KDM3B: variants seen among roughly 807,000 people sequenced by gnomAD.
KDM3B encodes lysine-specific demethylase 3B.
KDM3B carries 10 observed loss-of-function variants against 170.0 expected under a neutral mutation model. The observed-to-expected ratio is 0.06, with a 90% CI of 0.04 to 0.10. KDM3B has a LOEUF of 0.10. Ranked by LOEUF, KDM3B falls within the 10% of genes least tolerant of loss-of-function variation. The pLI, the probability that KDM3B is intolerant of heterozygous loss-of-function variation, is 1.00. For missense variants in KDM3B, 1,394 were observed against 2,195.2 expected (o/e 0.64, Z 7.29); for synonymous variants, 831 against 834.8 (o/e 1.00, Z 0.08).
chr5:138,356,053 T>C (rs1761440669), intron 1 of KDM3B, among the ~76,000 whole-genome samples: 1 of 152,242 alleles, frequency 6.6e-6, no homozygotes. Context: ...TTACAGATTT[T>C]ACTCATCGTT....
chr5:138,431,625 A>C, intron 23 of KDM3B, 66 bp downstream of exon 23: 1 of 1,340,028 alleles, frequency 7.5e-7, no homozygotes, highest in Non-Finnish European at 9.9e-7. Flanking sequence ...TTACGCAGAA[A>C]GCACATTCTC....
chr5:138,355,849 TCAAA>T (rs1190450899), intron 1 of KDM3B, among the ~76,000 whole-genome samples: 2 of 152,200 alleles, frequency 1.3e-5, no homozygotes, highest in African/African-American at 2.4e-5. Flanking sequence ...TTGCAAAATG[TCAAA>T]CAAAGGTTTA....
At position 138,386,636 on chromosome 5, in the gene KDM3B, G is replaced by A; in HGVS notation, c.1380+15G>A. ...CCTCGGGAGAGGTGAGTTACTTCAGGGGCAGATTTGCAAGATTTGGGTTTA... is the reference window on the plus strand; with the variant it reads ...CCTCGGGAGAGGTGAGTTACTTCAGAGGCAGATTTGCAAGATTTGGGTTTA... On this transcript the variant is annotated intron_variant, in intron 7 of 23. Transcript: ENST00000314358. 1 of 1,598,150 alleles carries A rather than the reference G, an allele frequency of 6.3e-7. No individual in the cohort carries two copies. The highest frequency in any genetic ancestry group is 1.1e-5 in the South Asian group (1 of 90,128).
chr5:138,425,972 C>G (rs985730893), intron 17 of KDM3B: 1 of 159,346 alleles, frequency 6.3e-6, no homozygotes, highest in African/African-American at 2.4e-5. Flanking sequence ...CACCACTGCT[C>G]TCCAGCCTCG....
intron 1 of KDM3B, among the ~76,000 whole-genome samples, chr5:138,371,160 AT>A (rs1289939770): frequency 6.6e-6 from 1 of 152,120 alleles, no homozygotes; most frequent in East Asian, 1.9e-4. Flanking sequence ...CAGAATTTAT[AT>A]AGAAAGTCAA....
At chr5:138,414,341 A>G (rs560233642) in intron 11 of KDM3B, among the ~76,000 whole-genome samples, 1 of 152,020 alleles carries the variant, frequency 6.6e-6, no homozygotes, top group South Asian at 2.1e-4. Flanking sequence ...AATTTTTTGT[A>G]TTTTTAGTAG....
chr5:138,360,522 T>TTGTG (rs55976818), intron 1 of KDM3B, among the ~76,000 whole-genome samples: 12,305 of 137,826 alleles, frequency 0.089, 644 homozygotes, highest in Non-Finnish European at 0.11. Flanking sequence ...TAAAAAAAGA[T>TTGTG]TGTGTGTGTG....
Position 138,381,821 on chromosome 5 carries a change from T to A in KDM3B, c.780+231T>A, listed in dbSNP as rs1263013385. The A allele has an allele frequency of 8.6e-6, 4 of 463,178 alleles. No individual in the cohort carries two copies. In the East Asian group the frequency reaches 1.3e-4, roughly 15 times the overall value. 28.7% of individuals were successfully genotyped at this position (463,178 alleles called of 1,614,324 possible). On this transcript the variant is annotated intron_variant, in intron 6 of 23. Transcript: ENST00000314358. ...GCATGACTATGTTCCCTAGTTCTTCTAAAGTGCAAGGCTGGTTTCTTCCTA... is the reference window on the plus strand; with the variant it reads ...GCATGACTATGTTCCCTAGTTCTTCAAAAGTGCAAGGCTGGTTTCTTCCTA...
Position 138,428,055 on chromosome 5 carries a change from G to A in KDM3B, c.4722G>A (p.Gly1574=). ...CTGTTAATGTGATGGTGTATGTTGGGATTCCCATCGGGGAGGGTGCTCATG... is the reference window on the plus strand; with the variant it reads ...CTGTTAATGTGATGGTGTATGTTGGAATTCCCATCGGGGAGGGTGCTCATG... The part of the protein sequence containing the change: ...SDAVNVMVYV[G]IPIGEGAHDE... The change falls in exon 20 of 24, where the codon GGG becomes GGA. Residue 1574 remains glycine, a synonymous_variant. Transcript: ENST00000314358. The A allele has an allele frequency of 6.2e-7, 1 of 1,613,824 alleles. No individual in the cohort carries two copies. Among genetic ancestry groups the A allele is most frequent in the Non-Finnish European group, 8.5e-7 (1 of 1,179,744 alleles).
At position 138,361,077 on chromosome 5, in the gene KDM3B, T is replaced by G. The variant is rs565544282; in HGVS notation, c.192+8090T>G. On this transcript the variant is annotated intron_variant, in intron 1 of 23. Coordinates refer to ENST00000314358, the MANE Select transcript of KDM3B (RefSeq NM_016604.4). ...AGAAACATGGCATTTTCCATTGTGATTTTCTTTGCAACAGCTGGGGTGGGT... is the reference window on the plus strand; with the variant it reads ...AGAAACATGGCATTTTCCATTGTGAGTTTCTTTGCAACAGCTGGGGTGGGT... Among the ~76,000 whole-genome samples the G allele has an allele frequency of 3.4e-4, 52 of 152,300 alleles. No homozygotes were observed. The South Asian group carries it at 6.2e-3, about 18-fold the overall frequency.
At chr5:138,386,668 C>T (rs749234801) in intron 7 of KDM3B, 47 bp downstream of exon 7, 35 of 1,573,212 alleles carry the variant, frequency 2.2e-5, no homozygotes, top group African/African-American at 1.4e-4. Flanking sequence ...TTTACTCTTT[C>T]GCCCTCCTTT....
chr5:138,395,997 A>C (rs1762536467), intron 9 of KDM3B, among the ~76,000 whole-genome samples: 1 of 152,238 alleles, frequency 6.6e-6, no homozygotes, highest in South Asian at 2.1e-4. Flanking sequence ...TGATTTAGCA[A>C]GGTAGAATTA....
intron 1 of KDM3B, among the ~76,000 whole-genome samples, chr5:138,364,535 G>A (rs1207476295): frequency 6.6e-6 from 1 of 151,468 alleles, no homozygotes; most frequent in African/African-American, 2.4e-5. Context: ...GGTCCAGAGT[G>A]GTATGATAGA....
At chr5:138,399,231 TC>T (rs940602733) in intron 10 of KDM3B, among the ~76,000 whole-genome samples, 20 of 151,352 alleles carry the variant, frequency 1.3e-4, no homozygotes, top group South Asian at 1.0e-3. Context: ...ATTTTTAAAC[TC>T]CCCCAGTTAA....
chr5:138,416,964 G>T (rs988817550), intron 12 of KDM3B, among the ~76,000 whole-genome samples: 1 of 152,110 alleles, frequency 6.6e-6, no homozygotes, highest in Non-Finnish European at 1.5e-5. Context: ...AGAATTACAG[G>T]CACGCACCAT....
chr5:138,429,073 G>A (rs966159859), intron 20 of KDM3B, among the ~76,000 whole-genome samples: 1 of 149,482 alleles, frequency 6.7e-6, no homozygotes, highest in Non-Finnish European at 1.5e-5. Flanking sequence ...AGGCCACTGT[G>A]CCTCACTTTA....
Position 138,393,159 on chromosome 5 carries a change from C to G in KDM3B, c.2630-12C>G, listed in dbSNP as rs774091118. The G allele has an allele frequency of 4.5e-5, 73 of 1,613,160 alleles. 1 individual carries two copies. The Admixed American group carries it at 1.2e-3, about 26-fold the overall frequency. The stretch of plus-strand genomic sequence containing the variant: ...CTCATGACAAACTTTTCTTCTCTCC[C>G]CCTTGCCACAGTTGGCCAGTCAGTG... On this transcript the variant is annotated splice_polypyrimidine_tract_variant and intron_variant, in intron 8 of 23. Coordinates refer to ENST00000314358, the MANE Select transcript of KDM3B (RefSeq NM_016604.4).
chr5:138,401,871 A>G (rs1226331927), intron 11 of KDM3B, among the ~76,000 whole-genome samples: 2 of 151,916 alleles, frequency 1.3e-5, no homozygotes, highest in African/African-American at 4.8e-5. Context: ...CCTGGTGACT[A>G]ACGATGTTGA....
chr5:138,375,838 A>C (rs2126926715), intron 3 of KDM3B, among the ~76,000 whole-genome samples: 1 of 151,400 alleles, frequency 6.6e-6, no homozygotes, highest in African/African-American at 2.4e-5. Flanking sequence ...CACCACACCC[A>C]GATAATTTTT....
Sources: allele counts gnomAD v4.1 joint callset (sites outside exome capture counted in the v4.1 genomes callset), GRCh38; gene constraint gnomAD v4.1.1; transcripts MANE v1.5; gene names NCBI Gene and HGNC (gene_info 2026-07-23, HGNC 2026-07-21).